KCNC2: variants seen among roughly 807,000 people sequenced by gnomAD.
KCNC2 encodes voltage-gated potassium channel KCNC2.
Under a neutral mutation model 44.5 loss-of-function variants are expected in KCNC2, and 21 were observed. That is an observed-to-expected ratio of 0.47 (90% confidence interval 0.33 to 0.68). The LOEUF (loss-of-function observed/expected upper bound fraction) is 0.68. KCNC2 is among the 30% of genes least tolerant of loss of function. KCNC2 has a pLI of 0.01. For synonymous variants in KCNC2, 391 were observed against 339.1 expected, an observed-to-expected ratio of 1.15 and a Z score of -1.68; for missense variants, 589 against 826.2, an observed-to-expected ratio of 0.71 and a Z score of 3.52.
intron 2 of KCNC2, among the ~76,000 whole-genome samples, chr12:75,198,193 A>G (rs1200231106): frequency 6.6e-6 from 1 of 151,906 alleles, no homozygotes; most frequent in East Asian, 1.9e-4. Flanking sequence ...CATTCTAAGT[A>G]TCAAATTACA....
chr12:75,111,076 C>G (rs1177652603), intron 2 of KCNC2, among the ~76,000 whole-genome samples: 3 of 152,116 alleles, frequency 2.0e-5, no homozygotes, highest in African/African-American at 7.2e-5. Context: ...TTCACTTAAT[C>G]AATGAGAATG....
At chr12:75,127,346 A>C (rs1300332715) in intron 2 of KCNC2, among the ~76,000 whole-genome samples, 1 of 152,148 alleles carries the variant, frequency 6.6e-6, no homozygotes, top group East Asian at 1.9e-4. Flanking sequence ...GTTGATATTT[A>C]AGGAAAATTG....
At chr12:75,143,709 C>T (rs1018596226) in intron 2 of KCNC2, among the ~76,000 whole-genome samples, 15 of 152,140 alleles carry the variant, frequency 9.9e-5, no homozygotes, top group African/African-American at 3.4e-4. Flanking sequence ...ATTCTTCATG[C>T]TTCTCCCTTT....
Position 75,135,239 on chromosome 12 carries a change from C to A in KCNC2, c.687+72058G>T, listed in dbSNP as rs377699318. ...TAGGCAACATTCCAAGTGCTTGTTT[C>A]TGGCAAAAATGTAAAATGAAAAAAA... On this transcript the variant is annotated intron_variant, in intron 2 of 4. Transcript: ENST00000549446. Among the ~76,000 whole-genome samples the A allele has an allele frequency of 2.0e-5, 3 of 150,472 alleles. No homozygotes were observed. In the East Asian group the frequency reaches 5.8e-4, roughly 29 times the overall value.
chr12:75,124,718 T>C (rs1447953461), intron 2 of KCNC2: 1 of 152,172 alleles, frequency 6.6e-6, no homozygotes. Context: ...TGTACAAAAG[T>C]TTATAATCTT....
intron 2 of KCNC2, among the ~76,000 whole-genome samples, chr12:75,130,618 AT>A: frequency 6.6e-6 from 1 of 152,204 alleles, no homozygotes; most frequent in Non-Finnish European, 1.5e-5. Flanking sequence ...ATAAGAAATT[AT>A]TATAAGGGTG....
chr12:75,192,406 C>T (rs2446346), intron 2 of KCNC2, among the ~76,000 whole-genome samples: 77,693 of 152,024 alleles, frequency 0.51, 23,250 homozygotes, highest in African/African-American at 0.85. Flanking sequence ...TGTGTAAAAA[C>T]TTAAAGTACA....
chr12:75,070,605 T>G (rs1883303478), intron 2 of KCNC2, among the ~76,000 whole-genome samples: 1 of 152,066 alleles, frequency 6.6e-6, no homozygotes. Flanking sequence ...CATTCTTAGG[T>G]TGAGATAAAA....
At chr12:75,128,271 T>A (rs1219694914) in intron 2 of KCNC2, among the ~76,000 whole-genome samples, 1 of 152,202 alleles carries the variant, frequency 6.6e-6, no homozygotes, top group Non-Finnish European at 1.5e-5. Flanking sequence ...CATCCCCATA[T>A]GCTTTAAAAA....
chr12:75,182,036 A>T (rs1892618814), intron 2 of KCNC2, among the ~76,000 whole-genome samples: 1 of 139,268 alleles, frequency 7.2e-6, no homozygotes, highest in African/African-American at 2.7e-5. Flanking sequence ...CCATTTTTAG[A>T]TGAGAGAACT....
At chr12:75,079,581 TC>T (rs1311871993) in intron 2 of KCNC2, among the ~76,000 whole-genome samples, 6 of 152,120 alleles carry the variant, frequency 3.9e-5, no homozygotes, top group African/African-American at 1.4e-4. Flanking sequence ...TACTGTTTGA[TC>T]ATCATAACTG....
rs201742262 is a variant in KCNC2 at position 75,137,364 on chromosome 12, T to C, written c.687+69933A>G. Among the ~76,000 whole-genome samples, 20 of 152,330 alleles carry C rather than the reference T, an allele frequency of 1.3e-4. No homozygotes were observed. The East Asian group carries it at 3.1e-3, about 24-fold the overall frequency. ...AAGACATTTTACAACTGCATCTGTG[T>C]TCCTGGCTTCTTCCCAAAGTTCCAG... is the stretch of plus-strand genomic sequence containing the variant. On this transcript the variant is annotated intron_variant, in intron 2 of 4. Coordinates refer to ENST00000549446, the MANE Select transcript of KCNC2 (RefSeq NM_139137.4).
intron 2 of KCNC2, among the ~76,000 whole-genome samples, chr12:75,187,865 T>G (rs2029868016): frequency 6.6e-6 from 1 of 152,182 alleles, no homozygotes; most frequent in African/African-American, 2.4e-5. Flanking sequence ...ACATAAGTAG[T>G]TACTGAGTTT....
chr12:75,168,650 T>A (rs1300072151), intron 2 of KCNC2, among the ~76,000 whole-genome samples: 1 of 151,602 alleles, frequency 6.6e-6, no homozygotes, highest in African/African-American at 2.4e-5. Flanking sequence ...ATTCTATTTC[T>A]TACCATACCA....
intron 2 of KCNC2, among the ~76,000 whole-genome samples, chr12:75,083,826 T>G (rs1232863983): frequency 6.6e-6 from 1 of 151,968 alleles, no homozygotes; most frequent in Non-Finnish European, 1.5e-5. Flanking sequence ...TGAAGTTTTC[T>G]TACTCCTTTA....
Position 75,207,283 on chromosome 12 carries a change from G to A in KCNC2, c.687+14C>T. On this transcript the variant is annotated intron_variant, in intron 2 of 4. Coordinates refer to ENST00000549446, the MANE Select transcript of KCNC2 (RefSeq NM_139137.4). This position sits in a 1 kb window ranked among gnomAD's most constrained non-coding sequence, Gnocchi z 4.1. ...AAGTTGAAGCAGCAGGGAAGGGGTCGATTCTGGCCTTACCCTGGCGGCTCT... is the reference window on the plus strand; with the variant it reads ...AAGTTGAAGCAGCAGGGAAGGGGTCAATTCTGGCCTTACCCTGGCGGCTCT... The A allele has an allele frequency of 6.6e-7, 1 of 1,521,346 alleles. No homozygotes were observed. Among genetic ancestry groups the A allele is most frequent in the East Asian group, 2.4e-5 (1 of 40,940 alleles). The allele number at this position is 1,521,346 out of a possible 1,614,324, so 94.2% of individuals were successfully genotyped here. A position where few individuals can be genotyped will look rare whatever the true frequency, so the allele number is the denominator to read the frequency against.
chr12:75,130,524 G>A lies in KCNC2; in HGVS notation c.687+76773C>T, dbSNP rs79108986. Among the ~76,000 whole-genome samples, 1,388 of 152,160 alleles carry A rather than the reference G, an allele frequency of 9.1e-3. 22 individuals carry two copies. The highest frequency in any genetic ancestry group is 0.032 in the African/African-American group (1,313 of 41,512). On this transcript the variant is annotated intron_variant, in intron 2 of 4. Transcript: ENST00000549446. ...TAGCACCAGTAATAGGAAATGTTAC[G>A]GTTGTAAAGATGAATAAAACCTAAA...
At chr12:75,134,164 C>G (rs1054018528) in intron 2 of KCNC2, among the ~76,000 whole-genome samples, 4 of 151,874 alleles carry the variant, frequency 2.6e-5, no homozygotes. Context: ...CCCGACAGGT[C>G]AGTTATTTTC....
chr12:75,115,669 A>G (rs1887608999), intron 2 of KCNC2, among the ~76,000 whole-genome samples: 1 of 152,178 alleles, frequency 6.6e-6, no homozygotes, highest in South Asian at 2.1e-4. Context: ...ACGTCAATGC[A>G]TCTTCTCTAA....
Sources: allele counts gnomAD v4.1 joint callset (sites outside exome capture counted in the v4.1 genomes callset), GRCh38; gene constraint gnomAD v4.1.1; non-coding constraint Gnocchi (gnomAD v3.1); transcripts MANE v1.5; gene names NCBI Gene and HGNC (gene_info 2026-07-23, HGNC 2026-07-21).